ADARB1: variants seen among roughly 807,000 people sequenced by gnomAD.
ADARB1 encodes adenosine deaminase RNA specific B1.
In ADARB1, 10 loss-of-function variants were observed where a neutral mutation model predicts 52.4. The observed-to-expected ratio is 0.19, with a 90% CI of 0.12 to 0.32. The LOEUF (loss-of-function observed/expected upper bound fraction) is 0.32. Ranked by LOEUF, ADARB1 falls within the 10% of genes least tolerant of loss-of-function variation. The pLI is 1.00. For missense variants in ADARB1, 643 were observed against 922.3 expected (o/e 0.70, Z 3.92); for synonymous variants, 349 against 371.1 (o/e 0.94, Z 0.68).
At chr21:45,173,070 C>T (rs146042604) in intron 3 of ADARB1, among the ~76,000 whole-genome samples, 2 of 152,332 alleles carry the variant, frequency 1.3e-5, no homozygotes, top group East Asian at 1.9e-4. Context: ...CTGTGGCCTA[C>T]AGCCTACAGC....
Position 45,221,227 on chromosome 21 carries a change from C to T in ADARB1, c.1926+213C>T, listed in dbSNP as rs1401122304. On this transcript the variant is annotated intron_variant, in intron 10 of 10. Transcript: ENST00000348831. The surrounding 1 kb of genome is among the most constrained non-coding windows in gnomAD (Gnocchi z 4.9). ...TGCCATCTCAAAGGCAGCTCTTTTC[C>T]TCCCTGCTGCAGGGTAACACCCACT... Among the ~76,000 whole-genome samples, 1 of 152,228 alleles carries T rather than the reference C, an allele frequency of 6.6e-6. No homozygotes were observed. Among genetic ancestry groups the T allele is most frequent in the Non-Finnish European group, 1.5e-5 (1 of 68,050 alleles).
rs1025207739 is a variant in ADARB1, at chr21:45,212,824, C to G, written c.1748-8012C>G. On this transcript the variant is annotated intron_variant, in intron 9 of 10. Transcript: ENST00000348831. Reference sequence around the variant, plus strand: ...GGAAAATAACACAAAAGAGAAAGATCTATATGAGAAAACAGAACAACTGAA... The same window carrying G: ...GGAAAATAACACAAAAGAGAAAGATGTATATGAGAAAACAGAACAACTGAA... Among the ~76,000 whole-genome samples the G allele has an allele frequency of 2.0e-5, 3 of 152,040 alleles. No homozygotes were observed. In the East Asian group the frequency reaches 5.8e-4, roughly 29 times the overall value.
intron 2 of ADARB1, among the ~76,000 whole-genome samples, chr21:45,134,047 T>A (rs2089166447): frequency 8.5e-6 from 1 of 117,484 alleles, no homozygotes; most frequent in Non-Finnish European, 1.8e-5. Context: ...CCGATGGGTG[T>A]GTGTGCCCGA....
chr21:45,166,789 A>G (rs2146082539), intron 2 of ADARB1, among the ~76,000 whole-genome samples: 1 of 152,044 alleles, frequency 6.6e-6, no homozygotes, highest in African/African-American at 2.4e-5. Context: ...GTTCTTCCAC[A>G]CTCACCACCT....
Sources: allele counts gnomAD v4.1 joint callset (sites outside exome capture counted in the v4.1 genomes callset), GRCh38; gene constraint gnomAD v4.1.1; non-coding constraint Gnocchi (gnomAD v3.1); transcripts MANE v1.5; gene names NCBI Gene and HGNC (gene_info 2026-07-23, HGNC 2026-07-21).